Variants in FAT4 observed in about 807,000 individuals in gnomAD.
FAT4 encodes FAT atypical cadherin 4.
FAT4 carries 84 observed loss-of-function variants against 303.9 expected under a neutral mutation model. The ratio of observed to expected loss-of-function variants is 0.28; its 90% CI spans 0.23 to 0.33. The LOEUF (loss-of-function observed/expected upper bound fraction) is 0.33. Ranked by LOEUF, FAT4 falls within the 10% of genes least tolerant of loss-of-function variation. The pLI, the probability that FAT4 is intolerant of heterozygous loss-of-function variation, is 1.00. For missense variants in FAT4, 6,005 were observed against 6,146.8 expected (o/e 0.98, Z 0.77); for synonymous variants, 2,307 against 2,298.8 (o/e 1.00, Z -0.10).
chr4:125,489,506 A>T (rs963038556), intron 17 of FAT4, among the ~76,000 whole-genome samples: 1 of 152,268 alleles, frequency 6.6e-6, no homozygotes, highest in South Asian at 2.1e-4. Flanking sequence ...GGCCTATTTC[A>T]TGTTCTTTAC....
At position 125,315,002 on chromosome 4, in the gene FAT4, C is replaced by G. The variant is rs892026905; in HGVS notation, c.-988C>G. Among the ~76,000 whole-genome samples, 1 of 152,136 alleles carries G rather than the reference C, an allele frequency of 6.6e-6. No individual in the cohort carries two copies. The stretch of plus-strand genomic sequence containing the variant: ...GAGTGTCGAGCAAAGTTTCTGAGTG[C>G]TGCTCCAGCTCGCGGTCTTCCCTCC... On this transcript the variant is annotated 5_prime_UTR_variant, in exon 1 of 18. Transcript: ENST00000394329.
rs201685491 is a variant in FAT4 at position 125,487,417 on chromosome 4, G to A, written c.12895G>A (p.Val4299Ile). 6.2e-7 allele frequency: 1 copy of A among 1,613,882 alleles called. No homozygotes were observed. The highest frequency in any genetic ancestry group is 1.3e-5 in the African/African-American group (1 of 74,906). Residue 4299 changes from valine to isoleucine, a missense_variant, in exon 17 of 18, where the codon GTA (valine) becomes ATA (isoleucine). By Grantham distance (29) the Val-to-Ile change is conservative (BLOSUM62 3). Coordinates refer to ENST00000394329, the MANE Select transcript of FAT4 (RefSeq NM_001291303.3). ...GAAAGTGGAGAGAAATATTCCTGAAGTATATGTTGCAGACGGCCACTGGCA... is the reference window on the plus strand; with the variant it reads ...GAAAGTGGAGAGAAATATTCCTGAAATATATGTTGCAGACGGCCACTGGCA... ...AGKVERNIPE[V>I]YVADGHWHTF...
At position 125,477,307 on chromosome 4, in the gene FAT4, C is replaced by G; in HGVS notation, c.12452C>G (p.Ala4151Gly). The change falls in exon 14 of 18, where the codon GCT becomes GGT. Residue 4151 changes from alanine to glycine, a missense_variant. Transcript: ENST00000394329. ...VNGRPLEPSQALAAQGILDQC... is the reference protein window; with the variant it reads ...VNGRPLEPSQGLAAQGILDQC... ...GGAAGGCCTCTGGAACCCAGCCAAG[C>G]TTTGGCAGCACAAGGCATCCTAGAT... 1.3e-6 allele frequency: 2 copies of G among 1,580,108 alleles called. No individual in the cohort carries two copies. The highest frequency in any genetic ancestry group is 1.7e-6 in the Non-Finnish European group (2 of 1,162,976).
chr4:125,315,686 G>A lies in FAT4; in HGVS notation c.-304G>A, dbSNP rs1730546650. On this transcript the variant is annotated 5_prime_UTR_variant, in exon 1 of 18. Coordinates refer to ENST00000394329, the MANE Select transcript of FAT4 (RefSeq NM_001291303.3). Reference sequence around the variant, plus strand: ...CGGCGGCGGCTGCAGGAGGGGAAGGGGCAGAGTTGAGCGCTCCCGGGTACG... The same window carrying A: ...CGGCGGCGGCTGCAGGAGGGGAAGGAGCAGAGTTGAGCGCTCCCGGGTACG... 1.3e-5 allele frequency among the ~76,000 whole-genome samples: 2 copies of A among 152,198 alleles called. No homozygotes were observed. Among genetic ancestry groups the A allele is most frequent in the African/African-American group, 4.8e-5 (2 of 41,464 alleles).
At chr4:125,391,322 G>T (rs1733967752) in intron 2 of FAT4, among the ~76,000 whole-genome samples, 2 of 152,146 alleles carry the variant, frequency 1.3e-5, no homozygotes, top group South Asian at 4.1e-4. Flanking sequence ...TATACACCAT[G>T]GAATACTATG....
chr4:125,416,334 A>G lies in FAT4; in HGVS notation c.6844-114A>G, dbSNP rs1250546006. On this transcript the variant is annotated intron_variant, in intron 6 of 17. Coordinates refer to ENST00000394329, the MANE Select transcript of FAT4 (RefSeq NM_001291303.3). ...ATTTTTTACTTGAAAATCTAAAAAT[A>G]TATCTTTGGAATCTCTTAACATAGT... 79 of 925,636 alleles carry G rather than the reference A, an allele frequency of 8.5e-5. 1 individual carries two copies. The East Asian group carries it at 1.7e-3, about 20-fold the overall frequency. The allele number at this position is 925,636 out of a possible 1,614,324, so 57.3% of individuals were successfully genotyped here.
intron 7 of FAT4, among the ~76,000 whole-genome samples, chr4:125,427,382 A>T (rs116687810): frequency 0.014 from 2,136 of 151,984 alleles, 35 homozygotes; most frequent in Non-Finnish European, 0.021. Flanking sequence ...TATCTTAAGG[A>T]AATATAGTGT....
chr4:125,343,454 C>G (rs984371356), intron 2 of FAT4, among the ~76,000 whole-genome samples: 1 of 151,696 alleles, frequency 6.6e-6, no homozygotes, highest in Non-Finnish European at 1.5e-5. Context: ...CTAAATCAGT[C>G]AGGAATTTCC....
At chr4:125,380,894 A>T (rs2125998671) in intron 2 of FAT4, among the ~76,000 whole-genome samples, 1 of 152,322 alleles carries the variant, frequency 6.6e-6, no homozygotes, top group East Asian at 1.9e-4. Context: ...GGGCAGGAAA[A>T]CCTAATTAGT....
At chr4:125,360,503 T>C (rs1253899367) in intron 2 of FAT4, among the ~76,000 whole-genome samples, 2 of 152,126 alleles carry the variant, frequency 1.3e-5, no homozygotes, top group Non-Finnish European at 2.9e-5. Flanking sequence ...AGTCCCACTG[T>C]GAAGTCATTA....
chr4:125,429,952 C>G (rs1725225892), intron 7 of FAT4, among the ~76,000 whole-genome samples: 2 of 152,134 alleles, frequency 1.3e-5, no homozygotes, highest in South Asian at 4.2e-4. Flanking sequence ...CAGTAATACT[C>G]CGGAGAACCT....
chr4:125,365,136 TA>T (rs1187860195), intron 2 of FAT4, among the ~76,000 whole-genome samples: 2 of 152,124 alleles, frequency 1.3e-5, no homozygotes, highest in African/African-American at 2.4e-5. Context: ...CTTGAGCAAC[TA>T]AGTGGATGAT....
intron 2 of FAT4, among the ~76,000 whole-genome samples, chr4:125,331,873 C>G (rs1731400217): frequency 6.6e-6 from 1 of 152,152 alleles, no homozygotes; most frequent in Non-Finnish European, 1.5e-5. Flanking sequence ...GAAAATACTG[C>G]TGGACAATCC....
At chr4:125,477,477 AC>A (rs1727070834) in intron 14 of FAT4, 143 bp downstream of exon 14, 2 of 730,416 alleles carry the variant, frequency 2.7e-6, no homozygotes, top group Non-Finnish European at 4.1e-6. Flanking sequence ...TAAATACTAT[AC>A]CTTTGAAATT....
chr4:125,391,112 A>G (rs1277782349), intron 2 of FAT4, among the ~76,000 whole-genome samples: 1 of 152,198 alleles, frequency 6.6e-6, no homozygotes, highest in African/African-American at 2.4e-5. Flanking sequence ...GACAATGGCA[A>G]TTCCTCAAGG....
chr4:125,404,041 G>A (rs1231005642), intron 3 of FAT4, among the ~76,000 whole-genome samples: 2 of 152,078 alleles, frequency 1.3e-5, no homozygotes, highest in Admixed American at 1.3e-4. Context: ...CCCTGGAATT[G>A]ATGTGCTCAA....
intron 16 of FAT4, among the ~76,000 whole-genome samples, chr4:125,482,075 T>C (rs1341629455): frequency 6.6e-6 from 1 of 152,220 alleles, no homozygotes; most frequent in Non-Finnish European, 1.5e-5. Flanking sequence ...AAACCAAAAA[T>C]ATAATGTTTG....
At chr4:125,363,793 C>A (rs2125986771) in intron 2 of FAT4, among the ~76,000 whole-genome samples, 1 of 152,164 alleles carries the variant, frequency 6.6e-6, no homozygotes, top group African/African-American at 2.4e-5. Context: ...CGTGCCTGGC[C>A]TGTAGCTTAT....
chr4:125,367,990 G>A (rs1732949781), intron 2 of FAT4, among the ~76,000 whole-genome samples: 1 of 152,078 alleles, frequency 6.6e-6, no homozygotes, highest in African/African-American at 2.4e-5. Context: ...AAATCTGCCA[G>A]TCCAGTTTTT....
Sources: allele counts gnomAD v4.1 joint callset (sites outside exome capture counted in the v4.1 genomes callset), GRCh38; gene constraint gnomAD v4.1.1; transcripts MANE v1.5; gene names NCBI Gene and HGNC (gene_info 2026-07-23, HGNC 2026-07-21).